The following RALGAPA2 variants were observed in gnomAD, a reference collection of about 807,000 sequenced individuals.
The protein encoded by RALGAPA2 is Ral GTPase activating protein catalytic subunit alpha 2.
RALGAPA2 carries 139 observed loss-of-function variants against 230.4 expected under a neutral mutation model. That is an observed-to-expected ratio of 0.60 (90% CI 0.53 to 0.69). The LOEUF (loss-of-function observed/expected upper bound fraction) is 0.69. Among genes scored for constraint, RALGAPA2 ranks in the 30% least tolerant of loss-of-function variants. The pLI is 0.00. For synonymous variants in RALGAPA2, 847 were observed against 837.8 expected (o/e 1.01, Z -0.19); for missense variants, 2,163 against 2,276.0 (o/e 0.95, Z 1.01).
At chr20:20,705,814 A>G (rs976544629) in intron 1 of RALGAPA2, among the ~76,000 whole-genome samples, 16 of 152,076 alleles carry the variant, frequency 1.1e-4, no homozygotes, top group African/African-American at 2.9e-4. Context: ...GATTACAGGC[A>G]CGCGCAACCA....
At chr20:20,707,707 C>T (rs2069662691) in intron 1 of RALGAPA2, among the ~76,000 whole-genome samples, 1 of 152,144 alleles carries the variant, frequency 6.6e-6, no homozygotes, top group African/African-American at 2.4e-5. Flanking sequence ...ACCCAGGTCA[C>T]TTGATTTGAC....
intron 25 of RALGAPA2, among the ~76,000 whole-genome samples, 168 bp from the exon 26 acceptor site, chr20:20,535,971 A>T (rs1365123536): frequency 6.6e-6 from 1 of 152,062 alleles, no homozygotes; most frequent in Non-Finnish European, 1.5e-5. Flanking sequence ...GGCTCGGGGG[A>T]GCGGGTGGTA....
chr20:20,696,499 G>C (rs2069117076), intron 1 of RALGAPA2, among the ~76,000 whole-genome samples: 1 of 152,070 alleles, frequency 6.6e-6, no homozygotes, highest in Admixed American at 6.6e-5. Flanking sequence ...TCTGCTCTTT[G>C]CTTCACTGGA....
intron 23 of RALGAPA2, among the ~76,000 whole-genome samples, chr20:20,549,535 T>TG (rs747784844): frequency 7.9e-5 from 12 of 151,792 alleles, no homozygotes; most frequent in African/African-American, 2.4e-4. Context: ...GGAGGGTAAA[T>TG]GGGGGGGTTA....
chr20:20,432,383 C>G (rs954139702), intron 37 of RALGAPA2, among the ~76,000 whole-genome samples: 2 of 152,174 alleles, frequency 1.3e-5, no homozygotes, highest in African/African-American at 4.8e-5. Flanking sequence ...AGTGACCAAG[C>G]AGTGGCTCCC....
chr20:20,510,774 A>T (rs2083528095), intron 33 of RALGAPA2, among the ~76,000 whole-genome samples: 1 of 152,228 alleles, frequency 6.6e-6, no homozygotes, highest in Admixed American at 6.5e-5. Context: ...AGCCTTATTA[A>T]CAGAGAGTTA....
chr20:20,468,963 T>TTGTGTG lies in RALGAPA2; in HGVS notation c.5495+3860_5495+3865dup, dbSNP rs754994354. Among the ~76,000 whole-genome samples the TTGTGTG allele has an allele frequency of 7.9e-3, 1,128 of 143,370 alleles. 6 individuals are homozygous for TTGTGTG. Among genetic ancestry groups the TTGTGTG allele is most frequent in the Non-Finnish European group, 9.3e-3 (601 of 64,478 alleles). The allele number at this position is 143,370 out of a possible 152,430, so 94.1% of individuals were successfully genotyped here. A position where few individuals can be genotyped will look rare whatever the true frequency, so the allele number is the denominator to read the frequency against. On this transcript the variant is annotated intron_variant, in intron 37 of 39. Coordinates refer to ENST00000202677, the MANE Select transcript of RALGAPA2 (RefSeq NM_020343.4). ...ATCCTGTGTGTGTGTGTGTGTGTGT[T>TTGTGTG]TGTGTGTGTGTGTGTGTGTGTGTGT...
chr20:20,672,237 C>T (rs1003686341), intron 3 of RALGAPA2, among the ~76,000 whole-genome samples: 3 of 152,102 alleles, frequency 2.0e-5, no homozygotes, highest in Admixed American at 2.0e-4. Context: ...CCAGGATTAA[C>T]AAATGTGAAA....
At chr20:20,521,903 C>A (rs1402639602) in intron 30 of RALGAPA2, among the ~76,000 whole-genome samples, 1 of 152,196 alleles carries the variant, frequency 6.6e-6, no homozygotes, top group African/African-American at 2.4e-5. Context: ...GCTGACATGG[C>A]AAGAGGCCTT....
At chr20:20,429,888 G>C (rs974411227) in intron 37 of RALGAPA2, among the ~76,000 whole-genome samples, 18 of 152,274 alleles carry the variant, frequency 1.2e-4, no homozygotes, top group Admixed American at 5.9e-4. Context: ...GTGCCACTTG[G>C]TGTCATTCAA....
At chr20:20,504,498 T>C (rs1208466702) in intron 34 of RALGAPA2, among the ~76,000 whole-genome samples, 5 of 151,964 alleles carry the variant, frequency 3.3e-5, no homozygotes, top group African/African-American at 1.2e-4. Flanking sequence ...CCGAGGCAGG[T>C]GAATCACGAG....
chr20:20,589,338 G>A lies in RALGAPA2; in HGVS notation c.2369C>T (p.Ser790Leu), dbSNP rs780092641. Residue 790 changes from serine (S) to leucine (L), a missense_variant, in exon 18 of 40, where the codon TCG becomes TTG. Coordinates refer to ENST00000202677, the MANE Select transcript of RALGAPA2 (RefSeq NM_020343.4). ...AATAGGCTGAGGCTCTGAAGAACTC[G>A]AATTCTGTGTGTTTTCTGCCTTTTG... ...QGQKAENTQN[S>L]SSSEPQPIQE... The A allele has an allele frequency of 2.1e-5, 34 of 1,590,720 alleles. 1 individual carries two copies. The Admixed American group carries it at 3.5e-4, about 16-fold the overall frequency.
At chr20:20,632,087 C>T (rs1443119893) in intron 9 of RALGAPA2, among the ~76,000 whole-genome samples, 2 of 151,404 alleles carry the variant, frequency 1.3e-5, no homozygotes, top group Non-Finnish European at 2.9e-5. Context: ...TGCAGTGGCT[C>T]GATCTCCGCT....
At chr20:20,470,860 ATAGAG>A (rs1200279757) in intron 37 of RALGAPA2, 1 of 152,176 alleles carries the variant, frequency 6.6e-6, no homozygotes, top group African/African-American at 2.4e-5. Flanking sequence ...AATTAAAAGA[ATAGAG>A]TAGTTAAATG....
chr20:20,474,438 A>C (rs6137039), intron 36 of RALGAPA2, among the ~76,000 whole-genome samples: 3,922 of 152,286 alleles, frequency 0.026, 113 homozygotes, highest in East Asian at 0.14. Flanking sequence ...ATGATCTAAA[A>C]TACATTTTAA....
intron 38 of RALGAPA2, among the ~76,000 whole-genome samples, chr20:20,407,904 C>T (rs936709473): frequency 6.6e-5 from 10 of 152,324 alleles, no homozygotes; most frequent in African/African-American, 1.7e-4. Flanking sequence ...GCTCCAAATA[C>T]GACCTACATT....
At chr20:20,461,932 C>A (rs1428342673) in intron 37 of RALGAPA2, among the ~76,000 whole-genome samples, 1 of 151,954 alleles carries the variant, frequency 6.6e-6, no homozygotes, top group Non-Finnish European at 1.5e-5. Context: ...GACAAGCAGA[C>A]CCTGAGGTTT....
chr20:20,552,712 G>T (rs1008565564), intron 23 of RALGAPA2, among the ~76,000 whole-genome samples: 10 of 152,140 alleles, frequency 6.6e-5, no homozygotes, highest in African/African-American at 2.4e-4. Context: ...ATATTTTTAA[G>T]TATTAGTTAT....
chr20:20,424,914 CTG>C, intron 37 of RALGAPA2, among the ~76,000 whole-genome samples: 1 of 148,474 alleles, frequency 6.7e-6, no homozygotes, highest in Non-Finnish European at 1.5e-5. Flanking sequence ...ATTGTAAACT[CTG>C]TTTCTATCAT....
Sources: gnomAD v4.1 joint callset for allele counts (sites outside exome capture counted in the v4.1 genomes callset) on GRCh38, gnomAD v4.1.1 for gene constraint, MANE v1.5 for transcripts, NCBI Gene and HGNC (gene_info 2026-07-23, HGNC 2026-07-21) for gene names.